WDR49: variants seen among roughly 807,000 people sequenced by gnomAD.
The protein encoded by WDR49 is WD repeat domain 49, also known as cilia- and flagella-associated protein 337.
In WDR49, 107 loss-of-function variants were observed where a neutral mutation model predicts 119.5. The ratio of observed to expected loss-of-function variants is 0.90; its 90% CI spans 0.77 to 1.05. WDR49 has a LOEUF of 1.05. Among genes scored for constraint, WDR49 ranks in the 50% least tolerant of loss-of-function variants. The pLI is 0.00. For synonymous variants in WDR49, 425 were observed against 418.8 expected (o/e 1.01, Z -0.18); for missense variants, 1,240 against 1,220.5 (o/e 1.02, Z -0.24).
At chr3:167,534,064 A>T (rs531517024) in intron 11 of WDR49, among the ~76,000 whole-genome samples, 20 of 151,972 alleles carry the variant, frequency 1.3e-4, no homozygotes, top group Admixed American at 3.9e-4. Context: ...GTGTGGTGGC[A>T]TGTGCCTGTA....
chr3:167,572,932 C>A lies in WDR49; in HGVS notation c.1509+2986G>T, dbSNP rs564036821. Among the ~76,000 whole-genome samples, 66 of 152,282 alleles carry A rather than the reference C, an allele frequency of 4.3e-4. 1 individual carries two copies. The South Asian group carries it at 0.013, about 30-fold the overall frequency. Reference sequence around the variant, plus strand: ...CTCAAGGGACATTCCTGAGGAGAAGCAGAGGTAGGGAAAAACTGCAGTTCA... The same window carrying A: ...CTCAAGGGACATTCCTGAGGAGAAGAAGAGGTAGGGAAAAACTGCAGTTCA... On this transcript the variant is annotated intron_variant, in intron 8 of 18. Coordinates refer to ENST00000682715, the MANE Select transcript of WDR49 (RefSeq NM_001366157.1).
At chr3:167,581,695 A>G (rs1028700052) in intron 7 of WDR49, among the ~76,000 whole-genome samples, 33 of 152,168 alleles carry the variant, frequency 2.2e-4, no homozygotes, top group Admixed American at 1.8e-3. Flanking sequence ...CTGTGCTACA[A>G]ATGTTACATT....
At chr3:167,597,784 C>A (rs1715558188) in intron 7 of WDR49, among the ~76,000 whole-genome samples, 1 of 152,146 alleles carries the variant, frequency 6.6e-6, no homozygotes, top group Non-Finnish European at 1.5e-5. Flanking sequence ...AGGCTTGTAG[C>A]CCCTTTGTTG....
intron 5 of WDR49, among the ~76,000 whole-genome samples, chr3:167,615,988 TAAAC>T (rs1716578778): frequency 1.3e-5 from 2 of 152,208 alleles, no homozygotes; most frequent in Non-Finnish European, 2.9e-5. Flanking sequence ...AACATGATAA[TAAAC>T]AAACCTTGAA....
At chr3:167,585,913 A>T (rs1239533511) in intron 7 of WDR49, among the ~76,000 whole-genome samples, 1 of 152,118 alleles carries the variant, frequency 6.6e-6, no homozygotes, top group Non-Finnish European at 1.5e-5. Context: ...CTTCCTCATC[A>T]TTTGCAATTT....
chr3:167,492,864 G>C (rs1440400629), intron 18 of WDR49, among the ~76,000 whole-genome samples: 1 of 149,394 alleles, frequency 6.7e-6, no homozygotes, highest in African/African-American at 2.5e-5. Context: ...TAACTTATCG[G>C]GTATAAAACT....
At chr3:167,625,835 C>T (rs1352264653) in intron 3 of WDR49, among the ~76,000 whole-genome samples, 1 of 149,964 alleles carries the variant, frequency 6.7e-6, no homozygotes, top group African/African-American at 2.5e-5. Context: ...CATGTAGACA[C>T]AATCTGTAAA....
chr3:167,512,587 G>A (rs547976598), intron 16 of WDR49, among the ~76,000 whole-genome samples: 3 of 152,264 alleles, frequency 2.0e-5, no homozygotes, highest in South Asian at 2.1e-4. Flanking sequence ...CTCCAGAAAC[G>A]GCACAGAACT....
At chr3:167,603,928 C>T (rs1381053287) in intron 6 of WDR49, among the ~76,000 whole-genome samples, 1 of 151,862 alleles carries the variant, frequency 6.6e-6, no homozygotes, top group Non-Finnish European at 1.5e-5. Flanking sequence ...GTAGTGGTAG[C>T]TGTAGTAGTA....
At chr3:167,551,471 A>G (rs1224523606) in intron 10 of WDR49, among the ~76,000 whole-genome samples, 1 of 152,072 alleles carries the variant, frequency 6.6e-6, no homozygotes, top group Non-Finnish European at 1.5e-5. Context: ...TTAATCATTT[A>G]GTTTAAAATA....
At chr3:167,581,995 A>G (rs953393466) in intron 7 of WDR49, among the ~76,000 whole-genome samples, 2 of 151,884 alleles carry the variant, frequency 1.3e-5, no homozygotes, top group Non-Finnish European at 2.9e-5. Flanking sequence ...GATATAAAAT[A>G]ACAATAAGAA....
intron 8 of WDR49, among the ~76,000 whole-genome samples, chr3:167,560,784 TAAA>T (rs60448205): frequency 5.9e-5 from 8 of 135,694 alleles, no homozygotes; most frequent in Admixed American, 1.5e-4. Flanking sequence ...GATAGATTAC[TAAA>T]AAAAAAAAAA....
chr3:167,483,794 A>T (rs1750816279), intron 18 of WDR49, among the ~76,000 whole-genome samples: 1 of 152,070 alleles, frequency 6.6e-6, no homozygotes, highest in Non-Finnish European at 1.5e-5. Context: ...AACACTCTCA[A>T]ACTCCTAGCA....
chr3:167,616,639 G>A (rs1227205533), intron 5 of WDR49, among the ~76,000 whole-genome samples: 1 of 151,658 alleles, frequency 6.6e-6, no homozygotes, highest in East Asian at 1.9e-4. Flanking sequence ...AAGAGAGAGA[G>A]AGAGAAAGAA....
At chr3:167,551,397 T>A (rs1048793305) in intron 10 of WDR49, among the ~76,000 whole-genome samples, 4 of 152,072 alleles carry the variant, frequency 2.6e-5, no homozygotes, top group Non-Finnish European at 5.9e-5. Flanking sequence ...TACCACATGT[T>A]TTTTTGTGTG....
intron 2 of WDR49, among the ~76,000 whole-genome samples, chr3:167,646,455 A>T (rs894002330): frequency 3.9e-5 from 6 of 152,156 alleles, no homozygotes; most frequent in Non-Finnish European, 7.4e-5. Flanking sequence ...ATATATGTCC[A>T]GAAGTGAGGA....
intron 15 of WDR49, among the ~76,000 whole-genome samples, chr3:167,526,409 C>T (rs1752630146): frequency 6.6e-6 from 1 of 152,138 alleles, no homozygotes; most frequent in South Asian, 2.1e-4. Flanking sequence ...CGTTTCGTTT[C>T]TTTACCTGTT....
intron 3 of WDR49, among the ~76,000 whole-genome samples, chr3:167,623,793 T>C (rs1378365117): frequency 6.6e-6 from 1 of 152,032 alleles, no homozygotes; most frequent in Non-Finnish European, 1.5e-5. Flanking sequence ...GATAACGTGA[T>C]ATTATATATA....
intron 7 of WDR49, among the ~76,000 whole-genome samples, chr3:167,590,168 T>A (rs1175413383): frequency 1.3e-5 from 2 of 152,130 alleles, no homozygotes; most frequent in East Asian, 1.9e-4. Context: ...ATTATTTAGT[T>A]TTTGTCCTTC....
Sources: gnomAD v4.1 joint callset for allele counts (sites outside exome capture counted in the v4.1 genomes callset) on GRCh38, gnomAD v4.1.1 for gene constraint, MANE v1.5 for transcripts, NCBI Gene and HGNC (gene_info 2026-07-23, HGNC 2026-07-21) for gene names.